Variants in PLXNB1 observed in about 807,000 individuals in gnomAD.
PLXNB1 encodes plexin-B1.
Under a neutral mutation model 209.4 loss-of-function variants are expected in PLXNB1, and 106 were observed. That is an observed-to-expected ratio of 0.51 (90% confidence interval 0.43 to 0.59). The LOEUF (loss-of-function observed/expected upper bound fraction) is 0.59. Among genes scored for constraint, PLXNB1 ranks in the 20% least tolerant of loss-of-function variants. The pLI is 0.00. For missense variants in PLXNB1, 2,357 were observed against 2,853.2 expected, an observed-to-expected ratio of 0.83 and a Z score of 3.96; for synonymous variants, 1,167 against 1,183.2, an observed-to-expected ratio of 0.99 and a Z score of 0.28.
intron 1 of PLXNB1, among the ~76,000 whole-genome samples, chr3:48,425,893 C>T (rs1461244129): frequency 2.0e-5 from 3 of 152,092 alleles, no homozygotes; most frequent in African/African-American, 7.2e-5. Flanking sequence ...CACACAGACA[C>T]AGCCACCCAT....
rs764962062 is a variant in PLXNB1 at position 48,412,542 on chromosome 3, G to C, written c.4933C>G (p.Leu1645Val). 9 of 1,613,686 alleles carry C rather than the reference G, an allele frequency of 5.6e-6. No homozygotes were observed. In the South Asian group the frequency reaches 9.9e-5, roughly 18 times the overall value. ...AYVASLLTVA[L>V]HGKLEYFTDI... ...GTGAAATACTCAAGCTTCCCATGCAGTGCCACGGTGAGCAGAGATGCCACG... is the reference window on the plus strand; with the variant it reads ...GTGAAATACTCAAGCTTCCCATGCACTGCCACGGTGAGCAGAGATGCCACG... The change falls in exon 26 of 38, where the codon CTG becomes GTG. Residue 1645 changes from leucine (L) to valine (V), a missense_variant. By Grantham distance (32) the Leu-to-Val change is conservative. This residue lies in a region of PLXNB1 where 743 missense variants were observed against 896.2 expected (regional missense o/e 0.83). Transcript: ENST00000296440.
At chr3:48,404,911 C>T (rs191067726) in intron 37 of PLXNB1, among the ~76,000 whole-genome samples, 1 of 152,260 alleles carries the variant, frequency 6.6e-6, no homozygotes, top group African/African-American at 2.4e-5. Context: ...CCTGTCTGCC[C>T]GGTGCCAGAC....
rs1176079604 is a variant in PLXNB1 at position 48,409,941 on chromosome 3, G to A, written c.5742C>T (p.Ile1914=). ...RGGERERAKA[I]PEIYLTRLLS... Reference sequence around the variant, plus strand: ...GCAGGCGGGTCAGGTAGATCTCAGGGATGGCCTTGGCGCGCTCACGCTCCC... The same window carrying A: ...GCAGGCGGGTCAGGTAGATCTCAGGAATGGCCTTGGCGCGCTCACGCTCCC... The change falls in exon 32 of 38, where the codon ATC becomes ATT. Residue 1914 remains isoleucine, a synonymous_variant. Transcript: ENST00000296440. The surrounding 1 kb of genome is among the most constrained non-coding windows in gnomAD (Gnocchi z 5.8). 4 of 1,612,058 alleles carry A rather than the reference G, an allele frequency of 2.5e-6. No homozygotes were observed. Among genetic ancestry groups the A allele is most frequent in the Non-Finnish European group, 3.4e-6 (4 of 1,179,400 alleles).
In PLXNB1 at chr3:48,413,460, T is replaced by C. The variant is rs757957485; in HGVS notation, c.4535+210A>G. Reference sequence around the variant, plus strand: ...AAGATTTGTTAGAACACAGCCACTTTCATGTGTTTCCATGTCGTCCCTGGC... The same window carrying C: ...AAGATTTGTTAGAACACAGCCACTTCCATGTGTTTCCATGTCGTCCCTGGC... On this transcript the variant is annotated intron_variant, in intron 23 of 37. Coordinates refer to ENST00000296440, the MANE Select transcript of PLXNB1 (RefSeq NM_001130082.3). The surrounding 1 kb of genome is among the most constrained non-coding windows in gnomAD (Gnocchi z 5.4). The C allele has an allele frequency of 1.2e-4, 70 of 607,874 alleles. 1 individual carries two copies. The Middle Eastern group carries it at 1.7e-3, about 15-fold the overall frequency. The allele number at this position is 607,874 out of a possible 1,614,324, so 37.7% of individuals were successfully genotyped here.
In PLXNB1 at chr3:48,416,138, G is replaced by A. The variant is rs769910562; in HGVS notation, c.3510C>T (p.Ala1170=). 6.3e-7 allele frequency: 1 copy of A among 1,598,712 alleles called. No homozygotes were observed. Among genetic ancestry groups the A allele is most frequent in the Non-Finnish European group, 8.5e-7 (1 of 1,172,990 alleles). ...GGGTGCCCCCAGCTCTGGGGCCGCGGGCCGGGAAGATGGAATGGACCTTCG... is the reference window on the plus strand; with the variant it reads ...GGGTGCCCCCAGCTCTGGGGCCGCGAGCCGGGAAGATGGAATGGACCTTCG... The part of the protein sequence containing the change: ...QDPKVHSIFP[A]RGPRAGGTRL... Residue 1170 remains alanine, a synonymous_variant, in exon 18 of 38, where the codon GCC becomes GCT. Transcript: ENST00000296440. This position sits in a 1 kb window ranked among gnomAD's most constrained non-coding sequence, Gnocchi z 4.1.
chr3:48,412,568 T>A lies in PLXNB1; in HGVS notation c.4907A>T (p.Tyr1636Phe). 1 of 1,613,602 alleles carries A rather than the reference T, an allele frequency of 6.2e-7. No homozygotes were observed. Among genetic ancestry groups the A allele is most frequent in the Non-Finnish European group, 8.5e-7 (1 of 1,180,034 alleles). ...TGCCACGGTGAGCAGAGATGCCACG[T>A]AGGCACGGTCCCGAGCTGAAAAGGT... ...QRTFSARDRA[Y>F]VASLLTVALH... Residue 1636 changes from tyrosine to phenylalanine, a missense_variant, in exon 26 of 38, where the codon TAC becomes TTC. Physicochemically the swap from Tyr to Phe is conservative, Grantham distance 22. Around this residue, in one of 7 missense-constraint regions of PLXNB1, gnomAD observed 743 missense variants for 896.2 expected, o/e 0.83. Coordinates refer to ENST00000296440, the MANE Select transcript of PLXNB1 (RefSeq NM_001130082.3).
Position 48,404,107 on chromosome 3 carries a change from G to C in PLXNB1, c.*379C>G, listed in dbSNP as rs1266384041. On this transcript the variant is annotated 3_prime_UTR_variant, in exon 38 of 38. Coordinates refer to ENST00000296440, the MANE Select transcript of PLXNB1 (RefSeq NM_001130082.3). Reference sequence around the variant, plus strand: ...GGATGGTGGAGGAGGCAGACAGGAAGCATGGGGCTCTCCTCCTTCCTCTCC... The same window carrying C: ...GGATGGTGGAGGAGGCAGACAGGAACCATGGGGCTCTCCTCCTTCCTCTCC... 5 of 190,162 alleles carry C rather than the reference G, an allele frequency of 2.6e-5. No homozygotes were observed. Among genetic ancestry groups the C allele is most frequent in the Non-Finnish European group, 5.4e-5 (5 of 92,274 alleles). 11.8% of individuals were successfully genotyped at this position (190,162 alleles called of 1,614,324 possible).
At position 48,412,600 on chromosome 3, in the gene PLXNB1, G is replaced by C. The variant is rs370036162; in HGVS notation, c.4875C>G (p.Ser1625Arg). Residue 1625 changes from serine (S) to arginine (R), a missense_variant, in exon 26 of 38, where the codon AGC (serine) becomes AGG (arginine). Coordinates refer to ENST00000296440, the MANE Select transcript of PLXNB1 (RefSeq NM_001130082.3). Reference protein sequence around the residue: ...FLTKFIHTLESQRTFSARDRA... With the variant: ...FLTKFIHTLERQRTFSARDRA... ...GGTCCCGAGCTGAAAAGGTGCGCTG[G>C]CTCTCCAGCGTGTGGATGAACTGCA... The C allele has an allele frequency of 6.2e-7, 1 of 1,613,538 alleles. No individual in the cohort carries two copies. Among genetic ancestry groups the C allele is most frequent in the Non-Finnish European group, 8.5e-7 (1 of 1,180,026 alleles).
At position 48,414,090 on chromosome 3, in the gene PLXNB1, G is replaced by A. The variant is rs1047392001; in HGVS notation, c.4210-19C>T. ...TCTCCCCCTGGAACAGAGGGTCACC[G>A]ATCAGTCACTCAGGACCCTTCCCTC... is the stretch of plus-strand genomic sequence containing the variant. On this transcript the variant is annotated intron_variant, in intron 21 of 37. Transcript: ENST00000296440. 5.6e-6 allele frequency: 9 copies of A among 1,612,196 alleles called. No homozygotes were observed. Among genetic ancestry groups the A allele is most frequent in the Admixed American group, 1.7e-5 (1 of 59,984 alleles).
Position 48,411,780 on chromosome 3 carries a change from G to T in PLXNB1, c.5247+83C>A. The T allele has an allele frequency of 1.3e-6, 2 of 1,490,830 alleles. No individual in the cohort carries two copies. The highest frequency in any genetic ancestry group is 1.8e-6 in the Non-Finnish European group (2 of 1,088,996). 92.4% of individuals were successfully genotyped at this position (1,490,830 alleles called of 1,614,324 possible). A position where few individuals can be genotyped will look rare whatever the true frequency, so the allele number is the denominator to read the frequency against. On this transcript the variant is annotated intron_variant, in intron 28 of 37. Transcript: ENST00000296440. This position sits in a 1 kb window ranked among gnomAD's most constrained non-coding sequence, Gnocchi z 4.0. Reference sequence around the variant, plus strand: ...TCCAGGTACCACATCAGAAGCTGGTGTCCAGACCCCACACACCCACACACT... The same window carrying T: ...TCCAGGTACCACATCAGAAGCTGGTTTCCAGACCCCACACACCCACACACT...
chr3:48,426,981 C>T (rs2038927901), intron 1 of PLXNB1, among the ~76,000 whole-genome samples: 1 of 152,200 alleles, frequency 6.6e-6, no homozygotes, highest in Admixed American at 6.5e-5. Context: ...TCTCCTGCCA[C>T]CGCATGCCAG....
rs990604311 is a variant in PLXNB1, at chr3:48,429,107, G to A, written c.-60+901C>T. 3.9e-5 allele frequency: 6 copies of A among 152,338 alleles called. No homozygotes were observed. Among genetic ancestry groups the A allele is most frequent in the African/African-American group, 1.4e-4 (6 of 41,580 alleles). The allele number at this position is 152,338 out of a possible 1,614,324, so 9.4% of individuals were successfully genotyped here. On this transcript the variant is annotated intron_variant, in intron 1 of 37. Coordinates refer to ENST00000296440, the MANE Select transcript of PLXNB1 (RefSeq NM_001130082.3). This position sits in a 1 kb window ranked among gnomAD's most constrained non-coding sequence, Gnocchi z 6.4. ...GGCGGAGTCGCCAGAGTTTCCCTTCGCGCGGAGAAGTGTGGTCCCAACTCT... is the reference window on the plus strand; with the variant it reads ...GGCGGAGTCGCCAGAGTTTCCCTTCACGCGGAGAAGTGTGGTCCCAACTCT...
rs2039116478 is a variant in PLXNB1 at position 48,430,040 on chromosome 3, GC to G, written c.-93del. The stretch of plus-strand genomic sequence containing the variant: ...CCAAGGCGCCTTGTTTCTCCCCTGC[GC>G]ACCTGGCCCTGCCCACCGCCCCTGC... On this transcript the variant is annotated 5_prime_UTR_variant, in exon 1 of 38. Coordinates refer to ENST00000296440, the MANE Select transcript of PLXNB1 (RefSeq NM_001130082.3). 1 of 152,226 alleles carries G rather than the reference GC, an allele frequency of 6.6e-6. No individual in the cohort carries two copies. The highest frequency in any genetic ancestry group is 1.5e-5 in the Non-Finnish European group (1 of 68,220). The allele number at this position is 152,226 out of a possible 1,614,324, so 9.4% of individuals were successfully genotyped here.
chr3:48,412,346 G>T (rs1433636997), intron 26 of PLXNB1, 42 bp from the exon 27 acceptor site: 1 of 1,612,328 alleles, frequency 6.2e-7, no homozygotes, highest in Non-Finnish European at 8.5e-7. Flanking sequence ...CAGCAGGTGG[G>T]GCTGCGGGCC....
rs560842361 is a variant in PLXNB1 at position 48,410,799 on chromosome 3, C to A, written c.5416+69G>T. 2.0e-4 allele frequency: 287 copies of A among 1,459,124 alleles called. 3 individuals are homozygous for A. In the South Asian group the frequency reaches 3.6e-3, roughly 18 times the overall value. 90.4% of individuals were successfully genotyped at this position (1,459,124 alleles called of 1,614,324 possible). Reference sequence around the variant, plus strand: ...CACCCTGAGTGATGAGTTGTCCCTGCAGAGTTGGTCCGGGGCCAGCCCAGG... The same window carrying A: ...CACCCTGAGTGATGAGTTGTCCCTGAAGAGTTGGTCCGGGGCCAGCCCAGG... On this transcript the variant is annotated intron_variant, in intron 29 of 37. Transcript: ENST00000296440. This position sits in a 1 kb window ranked among gnomAD's most constrained non-coding sequence, Gnocchi z 6.4.
rs892200211 is a variant in PLXNB1, at chr3:48,424,035, C to T, written c.577G>A (p.Asp193Asn). ...PITTRALWPP[D>N]PQAAFSYEET... The stretch of plus-strand genomic sequence containing the variant: ...TCATAGGAGAAGGCAGCTTGGGGGT[C>T]GGGCGGCCACAGGGCCCGGGTTGTG... Residue 193 changes from aspartate to asparagine, a missense_variant, in exon 3 of 38, where the codon GAC becomes AAC. Asp to Asn is a conservative substitution (Grantham distance 23, BLOSUM62 1). This residue lies in a region of PLXNB1 where 404 missense variants were observed against 443.6 expected (regional missense o/e 0.91). Transcript: ENST00000296440. The T allele has an allele frequency of 2.5e-6, 4 of 1,603,036 alleles. No homozygotes were observed. The highest frequency in any genetic ancestry group is 3.4e-5 in the Admixed American group (2 of 58,724).
chr3:48,405,685 T>A lies in PLXNB1; in HGVS notation c.6303+39A>T. The A allele has an allele frequency of 6.5e-7, 1 of 1,528,640 alleles. No individual in the cohort carries two copies. The highest frequency in any genetic ancestry group is 9.0e-7 in the Non-Finnish European group (1 of 1,105,386). The allele number at this position is 1,528,640 out of a possible 1,614,324, so 94.7% of individuals were successfully genotyped here. On this transcript the variant is annotated intron_variant, in intron 37 of 37. Transcript: ENST00000296440. This position sits in a 1 kb window ranked among gnomAD's most constrained non-coding sequence, Gnocchi z 5.0. ...AGCCCCTTAAGTCTCCTGGGAGGCCTTGGGTCAGCCTCCCAGTCGGGGTCC... is the reference window on the plus strand; with the variant it reads ...AGCCCCTTAAGTCTCCTGGGAGGCCATGGGTCAGCCTCCCAGTCGGGGTCC...
Position 48,406,960 on chromosome 3 carries a change from C to A in PLXNB1, c.6153-62G>T. On this transcript the variant is annotated intron_variant, in intron 35 of 37. Coordinates refer to ENST00000296440, the MANE Select transcript of PLXNB1 (RefSeq NM_001130082.3). This position sits in a 1 kb window ranked among gnomAD's most constrained non-coding sequence, Gnocchi z 4.4. ...ACAAGCCCACTCCCCTGCTCCCAAC[C>A]AGAGCCCACCCCCCAAGCCTCAGCT... 1 of 1,608,348 alleles carries A rather than the reference C, an allele frequency of 6.2e-7. No homozygotes were observed. The highest frequency in any genetic ancestry group is 8.5e-7 in the Non-Finnish European group (1 of 1,174,992).
chr3:48,404,452 G>A lies in PLXNB1; in HGVS notation c.*34C>T. ...GAGCTTCCAGGGCTGCCCAGGCCAGGCTGAAGCAACAGCAGGCCGTGGCTC... is the reference window on the plus strand; with the variant it reads ...GAGCTTCCAGGGCTGCCCAGGCCAGACTGAAGCAACAGCAGGCCGTGGCTC... On this transcript the variant is annotated 3_prime_UTR_variant, in exon 38 of 38. Coordinates refer to ENST00000296440, the MANE Select transcript of PLXNB1 (RefSeq NM_001130082.3). The A allele has an allele frequency of 6.9e-7, 1 of 1,457,612 alleles. No individual in the cohort carries two copies. The highest frequency in any genetic ancestry group is 1.2e-5 in the South Asian group (1 of 86,404). The allele number at this position is 1,457,612 out of a possible 1,614,324, so 90.3% of individuals were successfully genotyped here.
Sources: allele counts gnomAD v4.1 joint callset (sites outside exome capture counted in the v4.1 genomes callset), GRCh38; gene constraint gnomAD v4.1.1; regional missense constraint gnomAD v4.1.1; non-coding constraint Gnocchi (gnomAD v3.1); transcripts MANE v1.5; gene names NCBI Gene and HGNC (gene_info 2026-07-23, HGNC 2026-07-21).